The following CNTN4 variants were observed in gnomAD, a reference collection of about 807,000 sequenced individuals.
CNTN4 encodes the protein contactin 4, also known as contactin-4.
A neutral mutation model predicts 122.5 loss-of-function variants in CNTN4; 77 were observed. That is an observed-to-expected ratio of 0.63 (90% CI 0.52 to 0.76). The LOEUF (loss-of-function observed/expected upper bound fraction) is 0.76. Among genes scored for constraint, CNTN4 ranks in the 30% least tolerant of loss-of-function variants. CNTN4 has a pLI of 0.00. For synonymous variants in CNTN4, 512 were observed against 447.0 expected, an observed-to-expected ratio of 1.15 and a Z score of -1.83; for missense variants, 1,256 against 1,259.1, an observed-to-expected ratio of 1.00 and a Z score of 0.04.
chr3:2,284,982 A>G (rs1197308356), intron 2 of CNTN4, among the ~76,000 whole-genome samples: 2 of 151,946 alleles, frequency 1.3e-5, no homozygotes, highest in Admixed American at 1.3e-4. Context: ...GATAGTTTTT[A>G]TTCTCTCTAT....
At chr3:2,160,105 C>T (rs1184864416) in intron 2 of CNTN4, among the ~76,000 whole-genome samples, 1 of 152,060 alleles carries the variant, frequency 6.6e-6, no homozygotes. Context: ...TATGGAAAAG[C>T]TAAAGTAGAC....
intron 3 of CNTN4, among the ~76,000 whole-genome samples, chr3:2,539,132 A>G (rs544493841): frequency 6.6e-6 from 1 of 152,156 alleles, no homozygotes; most frequent in Admixed American, 6.6e-5. Context: ...TTCTGTAATT[A>G]TTTTCATAAG....
intron 13 of CNTN4, among the ~76,000 whole-genome samples, chr3:2,948,930 G>T (rs535739844): frequency 8.1e-4 from 123 of 152,078 alleles, no homozygotes; most frequent in Non-Finnish European, 1.4e-3. Flanking sequence ...ATATTGTTTT[G>T]CTCAAAAATA....
At position 2,900,788 on chromosome 3, in the gene CNTN4, G is replaced by A; in HGVS notation, c.1044G>A (p.Lys348=). The A allele has an allele frequency of 6.2e-7, 1 of 1,613,960 alleles. No individual in the cohort carries two copies. The highest frequency in any genetic ancestry group is 2.2e-5 in the East Asian group (1 of 44,866). ...KANGRPKPTY[K]WLKNGEPLLT... The stretch of plus-strand genomic sequence containing the variant: ...ATGGAAGGCCTAAGCCTACATACAA[G>A]TGGCTAAAAAATGGCGAACCTCTGC... Residue 348 remains lysine (K), a synonymous_variant, in exon 11 of 25, where the codon AAG becomes AAA. Transcript: ENST00000418658.
chr3:2,888,873 A>C (rs1230536198), intron 10 of CNTN4, among the ~76,000 whole-genome samples: 1 of 152,072 alleles, frequency 6.6e-6, no homozygotes, highest in Non-Finnish European at 1.5e-5. Flanking sequence ...TCCACTCAGC[A>C]CAAATTCCTG....
intron 6 of CNTN4, among the ~76,000 whole-genome samples, chr3:2,791,319 C>T (rs894483877): frequency 6.6e-6 from 1 of 152,054 alleles, no homozygotes; most frequent in African/African-American, 2.4e-5. Context: ...ATCACTTGAG[C>T]CCAGGAGTTC....
chr3:2,719,580 C>T (rs765733900), intron 4 of CNTN4, among the ~76,000 whole-genome samples: 2 of 152,036 alleles, frequency 1.3e-5, no homozygotes, highest in South Asian at 2.1e-4. Context: ...TGAGTGACCA[C>T]GCCCAGCTAA....
chr3:2,480,825 T>A (rs545883041), intron 3 of CNTN4, among the ~76,000 whole-genome samples: 1 of 152,276 alleles, frequency 6.6e-6, no homozygotes, highest in East Asian at 1.9e-4. Context: ...GTCAATTGAA[T>A]GACTCTACTC....
rs934707158 is a variant in CNTN4 at position 3,057,816 on chromosome 3, A to G, written c.*1596A>G. 6.6e-6 allele frequency: 1 copy of G among 152,652 alleles called. No homozygotes were observed. Among genetic ancestry groups the G allele is most frequent in the East Asian group, 1.9e-4 (1 of 5,200 alleles). The allele number at this position is 152,652 out of a possible 1,614,324, so 9.5% of individuals were successfully genotyped here. A position where few individuals can be genotyped will look rare whatever the true frequency, so the allele number is the denominator to read the frequency against. On this transcript the variant is annotated 3_prime_UTR_variant, in exon 25 of 25. Transcript: ENST00000418658. ...ATAAAATTTAAAATCACATGCAAAA[A>G]AAAAATCAGCAAAATAATAAAATGA...
At chr3:2,289,823 T>G (rs1277574043) in intron 2 of CNTN4, among the ~76,000 whole-genome samples, 1 of 152,218 alleles carries the variant, frequency 6.6e-6, no homozygotes, top group Non-Finnish European at 1.5e-5. Context: ...TAGTCATTGA[T>G]GTGTAAGTTA....
At chr3:2,481,033 T>TTTTCTTTCTTTCTTTCTTTC (rs61026362) in intron 3 of CNTN4, among the ~76,000 whole-genome samples, 8,076 of 119,918 alleles carry the variant, frequency 0.067, 384 homozygotes, top group South Asian at 0.093. Context: ...TTTCTTTTTC[T>TTTTCTTTCTTTCTTTCTTTC]TTTCTTTCTT....
At chr3:2,676,404 T>A (rs1260901082) in intron 4 of CNTN4, among the ~76,000 whole-genome samples, 1 of 152,174 alleles carries the variant, frequency 6.6e-6, no homozygotes, top group Non-Finnish European at 1.5e-5. Context: ...GTATTTTTAA[T>A]AGAGACAGGG....
At chr3:2,255,214 C>T (rs1235435006) in intron 2 of CNTN4, among the ~76,000 whole-genome samples, 1 of 151,362 alleles carries the variant, frequency 6.6e-6, no homozygotes, top group Non-Finnish European at 1.5e-5. Flanking sequence ...GGCATTATTT[C>T]TGAGGGCTCT....
At chr3:2,774,685 C>T (rs1473282388) in intron 6 of CNTN4, among the ~76,000 whole-genome samples, 1 of 152,170 alleles carries the variant, frequency 6.6e-6, no homozygotes, top group African/African-American at 2.4e-5. Context: ...CTCCTTCAGG[C>T]TAGTGAGTGT....
chr3:2,823,446 C>G (rs1411098695), intron 7 of CNTN4, among the ~76,000 whole-genome samples: 1 of 152,218 alleles, frequency 6.6e-6, no homozygotes, highest in Non-Finnish European at 1.5e-5. Flanking sequence ...CTCTACCAAT[C>G]ACTATGTGTG....
At chr3:2,581,508 A>G (rs1196328121) in intron 4 of CNTN4, among the ~76,000 whole-genome samples, 2 of 152,204 alleles carry the variant, frequency 1.3e-5, no homozygotes, top group African/African-American at 2.4e-5. Context: ...CTCTAGATGT[A>G]TTAGTCATGG....
chr3:2,118,820 A>T (rs918407420), intron 2 of CNTN4, among the ~76,000 whole-genome samples: 1 of 152,198 alleles, frequency 6.6e-6, no homozygotes, highest in Admixed American at 6.5e-5. Flanking sequence ...TCAGAACATG[A>T]TGTTTCATTT....
Position 2,596,204 on chromosome 3 carries a change from A to G in CNTN4, c.55+24646A>G, listed in dbSNP as rs143274528. On this transcript the variant is annotated intron_variant, in intron 4 of 24. Transcript: ENST00000418658. ...AATGTTAAAAATAGACCCTAAACCCACCTTGATTTATGTATTTACTTGGAG... is the reference window on the plus strand; with the variant it reads ...AATGTTAAAAATAGACCCTAAACCCGCCTTGATTTATGTATTTACTTGGAG... Among the ~76,000 whole-genome samples, 130 of 152,272 alleles carry G rather than the reference A, an allele frequency of 8.5e-4. 3 individuals are homozygous for G. The East Asian group carries it at 0.025, about 29-fold the overall frequency.
intron 3 of CNTN4, among the ~76,000 whole-genome samples, chr3:2,386,358 G>A (rs573010264): frequency 6.6e-6 from 1 of 152,258 alleles, no homozygotes; most frequent in South Asian, 2.1e-4. Flanking sequence ...ACAACCCATA[G>A]TTTTTCTGTC....
Sources: gnomAD v4.1 joint callset for allele counts (sites outside exome capture counted in the v4.1 genomes callset) on GRCh38, gnomAD v4.1.1 for gene constraint, MANE v1.5 for transcripts, NCBI Gene and HGNC (gene_info 2026-07-23, HGNC 2026-07-21) for gene names.